CRTC1: variants seen among roughly 807,000 people sequenced by gnomAD.
The protein encoded by CRTC1 is CREB-regulated transcription coactivator 1.
A neutral mutation model predicts 66.1 loss-of-function variants in CRTC1; 18 were observed. The ratio of observed to expected loss-of-function variants is 0.27; its 90% confidence interval spans 0.19 to 0.40. The LOEUF is 0.40. Among genes scored for constraint, CRTC1 ranks in the 10% least tolerant of loss-of-function variants. The pLI is 1.00. For missense variants in CRTC1, 669 were observed against 887.9 expected (o/e 0.75, Z 3.13); for synonymous variants, 416 against 398.8 (o/e 1.04, Z -0.51).
At chr19:18,693,383 C>T (rs922870725) in intron 1 of CRTC1, among the ~76,000 whole-genome samples, 31 of 87,476 alleles carry the variant, frequency 3.5e-4, no homozygotes, top group Non-Finnish European at 4.9e-4. Context: ...AGTGAGACAC[C>T]GTCTAAAAAA....
In CRTC1 at chr19:18,777,587, G is replaced by A. The variant is rs1207008828; in HGVS notation, c.*205G>A. On this transcript the variant is annotated 3_prime_UTR_variant, in exon 14 of 14. Transcript: ENST00000321949. The surrounding 1 kb of genome is among the most constrained non-coding windows in gnomAD (Gnocchi z 5.5). ...CGCGAGCCGGGCCGTCCACCCACCCGCCCGCCCAGGGCTGGGCTGGGATCG... is the reference window on the plus strand; with the variant it reads ...CGCGAGCCGGGCCGTCCACCCACCCACCCGCCCAGGGCTGGGCTGGGATCG... 1.4e-5 allele frequency: 7 copies of A among 487,754 alleles called. No individual in the cohort carries two copies. The highest frequency in any genetic ancestry group is 2.5e-5 in the Non-Finnish European group (7 of 278,660). 30.2% of individuals were successfully genotyped at this position (487,754 alleles called of 1,614,324 possible).
intron 1 of CRTC1, among the ~76,000 whole-genome samples, chr19:18,728,206 C>T (rs1039861843): frequency 6.6e-6 from 1 of 152,190 alleles, no homozygotes; most frequent in African/African-American, 2.4e-5. Context: ...TGTCCTGGCC[C>T]TCCCGGTGAG....
rs1308756686 is a variant in CRTC1 at position 18,771,175 on chromosome 19, C to A, written c.1321-267C>A. ...AGTCAGGGCCAACCCTCTGATCACC[C>A]TCCTGTAGCTCCAAGAAGGAGGGCA... On this transcript the variant is annotated intron_variant, in intron 10 of 13. Coordinates refer to ENST00000321949, the MANE Select transcript of CRTC1 (RefSeq NM_015321.3). This position sits in a 1 kb window ranked among gnomAD's most constrained non-coding sequence, Gnocchi z 4.6. Among the ~76,000 whole-genome samples the A allele has an allele frequency of 6.6e-6, 1 of 152,144 alleles. No individual in the cohort carries two copies. The highest frequency in any genetic ancestry group is 1.5e-5 in the Non-Finnish European group (1 of 67,998).
chr19:18,752,535 T>C (rs1389635267), intron 5 of CRTC1, among the ~76,000 whole-genome samples: 1 of 152,158 alleles, frequency 6.6e-6, no homozygotes, highest in East Asian at 1.9e-4. Context: ...CCCAGGGCAG[T>C]CTCAAACTCC....
chr19:18,730,501 C>T (rs866799867), intron 1 of CRTC1, among the ~76,000 whole-genome samples: 2 of 152,058 alleles, frequency 1.3e-5, no homozygotes, highest in Non-Finnish European at 2.9e-5. Flanking sequence ...GTGGAGTCAC[C>T]GGCTGGGTGT....
chr19:18,699,258 G>C (rs372166294), intron 1 of CRTC1, among the ~76,000 whole-genome samples: 41 of 152,306 alleles, frequency 2.7e-4, no homozygotes, highest in African/African-American at 7.9e-4. Context: ...AGGGGTGTGC[G>C]GGGTCTTCTC....
chr19:18,712,249 T>C (rs2053408114), intron 1 of CRTC1, among the ~76,000 whole-genome samples: 1 of 145,094 alleles, frequency 6.9e-6, no homozygotes. Context: ...CCTGGCCCAG[T>C]TAGACGTTTG....
intron 1 of CRTC1, among the ~76,000 whole-genome samples, chr19:18,684,525 C>T (rs1373293238): frequency 6.6e-6 from 1 of 152,048 alleles, no homozygotes; most frequent in Non-Finnish European, 1.5e-5. Context: ...ATCCTGTCCC[C>T]CAGGGGGTCC....
chr19:18,764,238 TCTC>T (rs982572770), intron 8 of CRTC1, among the ~76,000 whole-genome samples: 2 of 152,258 alleles, frequency 1.3e-5, no homozygotes, highest in African/African-American at 4.8e-5. Flanking sequence ...GGTGCCCAGA[TCTC>T]CTGGGGTGAG....
At position 18,768,953 on chromosome 19, in the gene CRTC1, CAA is replaced by C. The variant is rs2054801795; in HGVS notation, c.1320+162_1320+163del. Among the ~76,000 whole-genome samples the C allele has an allele frequency of 6.6e-6, 1 of 152,228 alleles. No homozygotes were observed. Among genetic ancestry groups the C allele is most frequent in the Non-Finnish European group, 1.5e-5 (1 of 68,026 alleles). On this transcript the variant is annotated intron_variant, in intron 10 of 13. Transcript: ENST00000321949. This position sits in a 1 kb window ranked among gnomAD's most constrained non-coding sequence, Gnocchi z 5.6. The stretch of plus-strand genomic sequence containing the variant: ...TCTCCACGGGGCTACCCCTTGGAAT[CAA>C]ACTGAGACTGTCACTCCCTGTAGAG...
intron 1 of CRTC1, among the ~76,000 whole-genome samples, chr19:18,725,212 A>AG (rs951077627): frequency 6.6e-6 from 1 of 152,006 alleles, no homozygotes; most frequent in Admixed American, 6.6e-5. Flanking sequence ...GGCAATGCTG[A>AG]GGGGGAGGCC....
chr19:18,739,182 C>T (rs1156838725), intron 1 of CRTC1, among the ~76,000 whole-genome samples: 1 of 152,276 alleles, frequency 6.6e-6, no homozygotes, highest in Admixed American at 6.5e-5. Context: ...GCTGTTTCAC[C>T]TGTCGCCCCG....
intron 1 of CRTC1, among the ~76,000 whole-genome samples, chr19:18,723,924 C>G (rs553459337): frequency 6.6e-6 from 1 of 152,332 alleles, no homozygotes; most frequent in African/African-American, 2.4e-5. Context: ...CGCTTGGAGC[C>G]TCCGGGAGGG....
At chr19:18,686,346 T>C (rs2052683255) in intron 1 of CRTC1, among the ~76,000 whole-genome samples, 1 of 152,226 alleles carries the variant, frequency 6.6e-6, no homozygotes, top group South Asian at 2.1e-4. Context: ...CATCAGTCAA[T>C]GAATTTAGAA....
In CRTC1 at chr19:18,778,761, G is replaced by A. The variant is rs558677978; in HGVS notation, c.*1379G>A. On this transcript the variant is annotated 3_prime_UTR_variant, in exon 14 of 14. Transcript: ENST00000321949. ...AGAGTGTGGGGGACTGGCAGGGAGC[G>A]AGGGTCCCCGAGACGAGGACCACGG... 6.1e-5 allele frequency: 14 copies of A among 230,990 alleles called. No homozygotes were observed. In the East Asian group the frequency reaches 7.4e-4, roughly 12 times the overall value. The allele number at this position is 230,990 out of a possible 1,614,324, so 14.3% of individuals were successfully genotyped here.
At chr19:18,753,661 A>G (rs1417124712) in intron 6 of CRTC1, 76 bp downstream of exon 6, 1 of 1,122,400 alleles carries the variant, frequency 8.9e-7, no homozygotes, top group African/African-American at 1.6e-5. Context: ...AGGTGACAAA[A>G]TGGCAGGTTG....
chr19:18,743,511 C>T (rs74359565), intron 2 of CRTC1, among the ~76,000 whole-genome samples: 1 of 152,212 alleles, frequency 6.6e-6, no homozygotes, highest in Non-Finnish European at 1.5e-5. Flanking sequence ...CACAGCGGCC[C>T]TCTTCCCTGT....
chr19:18,699,347 T>C (rs1366058562), intron 1 of CRTC1, among the ~76,000 whole-genome samples: 6 of 152,108 alleles, frequency 3.9e-5, no homozygotes, highest in Admixed American at 3.3e-4. Context: ...TTCCTGGAGC[T>C]CACATTTTTC....
At chr19:18,739,242 G>A (rs539062351) in intron 1 of CRTC1, among the ~76,000 whole-genome samples, 45 of 152,358 alleles carry the variant, frequency 3.0e-4, no homozygotes, top group African/African-American at 1.0e-3. Flanking sequence ...CTGAGTCCCA[G>A]GTCAGCCCCG....
Sources: gnomAD v4.1 joint callset for allele counts (sites outside exome capture counted in the v4.1 genomes callset) on GRCh38, gnomAD v4.1.1 for gene constraint, Gnocchi (gnomAD v3.1) non-coding constraint, MANE v1.5 for transcripts, NCBI Gene and HGNC (gene_info 2026-07-23, HGNC 2026-07-21) for gene names.